BBS9: variants seen among roughly 807,000 people sequenced by gnomAD.
The protein encoded by BBS9 is Bardet-Biedl syndrome 9.
A neutral mutation model predicts 117.7 loss-of-function variants in BBS9; 89 were observed. The observed-to-expected ratio is 0.76, with a 90% CI of 0.64 to 0.90. BBS9 has a LOEUF of 0.90. BBS9 is among the 40% of genes least tolerant of loss of function. The pLI, the probability that BBS9 is intolerant of heterozygous loss-of-function variation, is 0.00. For missense variants in BBS9, 982 were observed against 1,042.2 expected, an observed-to-expected ratio of 0.94 and a Z score of 0.80; for synonymous variants, 379 against 370.9, an observed-to-expected ratio of 1.02 and a Z score of -0.25.
intron 9 of BBS9, among the ~76,000 whole-genome samples, chr7:33,276,653 A>G (rs1479908227): frequency 1.3e-5 from 2 of 152,212 alleles, no homozygotes; most frequent in African/African-American, 4.8e-5. Context: ...AAAAAAGAAA[A>G]AAGAAAAAAA....
chr7:33,199,492 A>T (rs1785478290), intron 5 of BBS9, among the ~76,000 whole-genome samples: 1 of 151,876 alleles, frequency 6.6e-6, no homozygotes, highest in Non-Finnish European at 1.5e-5. Context: ...AGGGCTTATT[A>T]TGGAATAGTT....
At chr7:33,132,016 G>T (rs943305155) in intron 1 of BBS9, among the ~76,000 whole-genome samples, 1 of 152,218 alleles carries the variant, frequency 6.6e-6, no homozygotes, top group African/African-American at 2.4e-5. Flanking sequence ...TAAGGCATTA[G>T]AAACTAATCT....
chr7:33,612,681 C>T (rs1043422078), intron 21 of BBS9, among the ~76,000 whole-genome samples: 2 of 152,024 alleles, frequency 1.3e-5, no homozygotes, highest in Non-Finnish European at 2.9e-5. Context: ...TTCATCCCAT[C>T]AAAGCTCATC....
At chr7:33,281,173 G>A (rs898502416) in intron 9 of BBS9, among the ~76,000 whole-genome samples, 1 of 151,228 alleles carries the variant, frequency 6.6e-6, no homozygotes, top group African/African-American at 2.4e-5. Context: ...TGTTGAATAA[G>A]CTTTTTGGTT....
At chr7:33,288,155 C>T (rs529489880) in intron 9 of BBS9, among the ~76,000 whole-genome samples, 146 of 152,242 alleles carry the variant, frequency 9.6e-4, no homozygotes, top group African/African-American at 3.3e-3. Context: ...GAAATTCGTG[C>T]CTTATGCCGT....
At chr7:33,138,195 A>G (rs1790841806) in intron 1 of BBS9, among the ~76,000 whole-genome samples, 1 of 151,592 alleles carries the variant, frequency 6.6e-6, no homozygotes, top group Non-Finnish European at 1.5e-5. Context: ...TGTGTGAGGT[A>G]TGGGAATCAT....
At chr7:33,467,994 T>C (rs1307358072) in intron 19 of BBS9, among the ~76,000 whole-genome samples, 1 of 152,178 alleles carries the variant, frequency 6.6e-6, no homozygotes, top group Non-Finnish European at 1.5e-5. Flanking sequence ...TTCATCACTT[T>C]GCTGATAATT....
chr7:33,298,189 A>AT (rs1173942820), intron 9 of BBS9, among the ~76,000 whole-genome samples: 1 of 151,870 alleles, frequency 6.6e-6, no homozygotes, highest in African/African-American at 2.4e-5. Context: ...ACATAGGAAT[A>AT]TTTTTTAAAG....
chr7:33,530,258 C>T (rs932234576), intron 20 of BBS9, among the ~76,000 whole-genome samples: 8 of 152,178 alleles, frequency 5.3e-5, no homozygotes, highest in African/African-American at 1.7e-4. Context: ...CATCATGCCT[C>T]ATCTATATTA....
chr7:33,576,607 T>C (rs1858928266), intron 21 of BBS9, among the ~76,000 whole-genome samples: 1 of 152,186 alleles, frequency 6.6e-6, no homozygotes, highest in East Asian at 1.9e-4. Context: ...AAGACAATCC[T>C]AAGCAAAAAG....
chr7:33,357,383 A>G (rs961186452), intron 15 of BBS9, among the ~76,000 whole-genome samples: 17 of 151,738 alleles, frequency 1.1e-4, no homozygotes, highest in African/African-American at 4.1e-4. Flanking sequence ...TTCATCAAGT[A>G]AAAAAAGCTA....
At chr7:33,422,767 AT>A (rs1833053015) in intron 19 of BBS9, among the ~76,000 whole-genome samples, 1 of 152,118 alleles carries the variant, frequency 6.6e-6, no homozygotes, top group African/African-American at 2.4e-5. Flanking sequence ...TGTTCAGTTT[AT>A]TTTTTATTTT....
intron 9 of BBS9, among the ~76,000 whole-genome samples, chr7:33,326,415 T>G (rs1364715690): frequency 6.6e-6 from 1 of 151,988 alleles, no homozygotes; most frequent in Non-Finnish European, 1.5e-5. Flanking sequence ...CCTAAAATGC[T>G]TGCTGTCCGA....
intron 21 of BBS9, among the ~76,000 whole-genome samples, chr7:33,581,076 T>TTGTG (rs746057448): frequency 9.7e-5 from 14 of 145,058 alleles, no homozygotes; most frequent in African/African-American, 2.1e-4. Context: ...GTGTGTATTT[T>TTGTG]TGTGTGTGTG....
chr7:33,345,653 C>G lies in BBS9; in HGVS notation c.1329+1019C>G, dbSNP rs550548364. On this transcript the variant is annotated intron_variant, in intron 12 of 22. Coordinates refer to ENST00000242067, the MANE Select transcript of BBS9 (RefSeq NM_198428.3). The stretch of plus-strand genomic sequence containing the variant: ...CTTTCCCCCAGTCCAATCAAAGGCT[C>G]TATCTCATTAATACTTCCGAATCTG... Among the ~76,000 whole-genome samples the G allele has an allele frequency of 6.6e-5, 10 of 152,314 alleles. No individual in the cohort carries two copies. The South Asian group carries it at 2.1e-3, about 32-fold the overall frequency.
At chr7:33,163,541 T>G (rs1324671899) in intron 4 of BBS9, among the ~76,000 whole-genome samples, 1 of 152,244 alleles carries the variant, frequency 6.6e-6, no homozygotes, top group Non-Finnish European at 1.5e-5. Context: ...ATCCAACTTC[T>G]TCCTGGTTTA....
chr7:33,437,414 G>T (rs1167706633), intron 19 of BBS9, among the ~76,000 whole-genome samples: 1 of 152,168 alleles, frequency 6.6e-6, no homozygotes, highest in African/African-American at 2.4e-5. Flanking sequence ...GATATATAGA[G>T]AAGCATCAGA....
At chr7:33,590,459 G>GTTTTTTTGTTTTTTTTTTTTTTTT (rs1554551689) in intron 21 of BBS9, among the ~76,000 whole-genome samples, 2 of 101,508 alleles carry the variant, frequency 2.0e-5, no homozygotes, top group African/African-American at 4.0e-5. Context: ...TTGTTTTTTT[G>GTTTTTTTGTTTTTTTTTTTTTTTT]TTTTTTTTTT....
chr7:33,234,230 AGT>A (rs1562848768), intron 5 of BBS9, among the ~76,000 whole-genome samples: 1 of 152,076 alleles, frequency 6.6e-6, no homozygotes, highest in Non-Finnish European at 1.5e-5. Flanking sequence ...AGGAAAAAAC[AGT>A]GTGTGTATAG....
Sources: allele counts gnomAD v4.1 joint callset (sites outside exome capture counted in the v4.1 genomes callset), GRCh38; gene constraint gnomAD v4.1.1; transcripts MANE v1.5; gene names NCBI Gene and HGNC (gene_info 2026-07-23, HGNC 2026-07-21).